WEE2: variants seen among roughly 807,000 people sequenced by gnomAD.
WEE2 encodes the protein wee1-like protein kinase 2.
WEE2 carries 50 observed loss-of-function variants against 60.1 expected under a neutral mutation model. The observed-to-expected ratio is 0.83, with a 90% CI of 0.66 to 1.05. The LOEUF (loss-of-function observed/expected upper bound fraction) is 1.05. WEE2 is among the 50% of genes least tolerant of loss of function. The pLI is 0.00. For synonymous variants in WEE2, 240 were observed against 241.0 expected (o/e 1.00, Z 0.04); for missense variants, 631 against 684.3 (o/e 0.92, Z 0.87).
At chr7:141,712,582 A>G (rs1476676697) in intron 1 of WEE2, among the ~76,000 whole-genome samples, 1 of 152,192 alleles carries the variant, frequency 6.6e-6, no homozygotes, top group Admixed American at 6.5e-5. Context: ...AGCAATAACG[A>G]CTATATTAAC....
chr7:141,723,164 A>G lies in WEE2; in HGVS notation c.911A>G (p.Asn304Ser). ...GGSLQAAISE[N>S]TKSGNHFEEP... The stretch of plus-strand genomic sequence containing the variant: ...AGTTTGCAAGCTGCTATATCTGAAA[A>G]CACTAAGTCTGGCAATCATTTTGAA... The change falls in exon 6 of 12, where the codon AAC (asparagine) becomes AGC (serine). Residue 304 changes from asparagine to serine, a missense_variant. Physicochemically the swap from Asn to Ser is conservative, Grantham distance 46. Transcript: ENST00000397541. 6.2e-7 allele frequency: 1 copy of G among 1,614,172 alleles called. No individual in the cohort carries two copies. The highest frequency in any genetic ancestry group is 2.2e-5 in the East Asian group (1 of 44,882).
chr7:141,717,787 A>G (rs1798832646), intron 3 of WEE2, among the ~76,000 whole-genome samples: 1 of 152,208 alleles, frequency 6.6e-6, no homozygotes, highest in Non-Finnish European at 1.5e-5. Context: ...CTATCAAGGC[A>G]GGAGAACAGA....
chr7:141,720,881 G>A (rs908149808), intron 4 of WEE2, 54 bp from the exon 5 acceptor site: 21 of 1,579,882 alleles, frequency 1.3e-5, no homozygotes, highest in Non-Finnish European at 1.8e-5. Flanking sequence ...AAACATTTTT[G>A]TGTGCATTAT....
chr7:141,727,333 A>C lies in WEE2; in HGVS notation c.1422A>C (p.Arg474Ser). The change falls in exon 10 of 12, where the codon AGA becomes AGC. Residue 474 changes from arginine to serine, a missense_variant. By Grantham distance (110) the Arg-to-Ser change is moderately radical (BLOSUM62 -1). Transcript: ENST00000397541. ...KNMIQPDAEQ[R>S]PSAAALARNT... ...TGATCCAACCTGATGCCGAACAGAG[A>C]CCTTCTGCAGCAGCTCTGGCCAGAA... is the stretch of plus-strand genomic sequence containing the variant. 1.9e-6 allele frequency: 3 copies of C among 1,614,102 alleles called. No homozygotes were observed. Among genetic ancestry groups the C allele is most frequent in the Non-Finnish European group, 2.5e-6 (3 of 1,179,988 alleles).
intron 2 of WEE2, among the ~76,000 whole-genome samples, chr7:141,714,731 G>A (rs1270859243): frequency 2.0e-5 from 3 of 152,338 alleles, no homozygotes; most frequent in East Asian, 1.9e-4. Context: ...ATATGAGGCT[G>A]GCAGTTGGGG....
At chr7:141,726,480 T>A (rs1205405938) in intron 9 of WEE2, among the ~76,000 whole-genome samples, 1 of 152,160 alleles carries the variant, frequency 6.6e-6, no homozygotes, top group Non-Finnish European at 1.5e-5. Context: ...TACAAATCTG[T>A]CCTTCTTCCT....
chr7:141,715,860 C>A (rs1450775307), intron 2 of WEE2, among the ~76,000 whole-genome samples: 1 of 152,162 alleles, frequency 6.6e-6, no homozygotes, highest in Non-Finnish European at 1.5e-5. Flanking sequence ...GATAAAGATA[C>A]CCATTTAACA....
At chr7:141,718,174 T>C (rs968375556) in intron 3 of WEE2, among the ~76,000 whole-genome samples, 3 of 152,040 alleles carry the variant, frequency 2.0e-5, no homozygotes, top group Non-Finnish European at 2.9e-5. Context: ...ACCCAAGATT[T>C]TTCAAACTCA....
At chr7:141,720,761 C>A in intron 4 of WEE2, 174 bp from the exon 5 acceptor site, 1 of 753,434 alleles carries the variant, frequency 1.3e-6, no homozygotes, top group Non-Finnish European at 2.1e-6. Flanking sequence ...TCATTGTTTC[C>A]ACTGTATATT....
intron 1 of WEE2, among the ~76,000 whole-genome samples, chr7:141,710,566 G>A (rs1200255970): frequency 1.3e-5 from 2 of 152,194 alleles, no homozygotes; most frequent in African/African-American, 4.8e-5. Context: ...TGTACTAGAG[G>A]AATGGTTGAG....
intron 3 of WEE2, among the ~76,000 whole-genome samples, chr7:141,717,534 A>G (rs992735994): frequency 6.6e-6 from 1 of 152,266 alleles, no homozygotes; most frequent in African/African-American, 2.4e-5. Context: ...AAGGAAAAAC[A>G]TCTGGCCAAA....
intron 10 of WEE2, among the ~76,000 whole-genome samples, chr7:141,728,397 T>C (rs58418192): frequency 0.016 from 2,410 of 152,340 alleles, 66 homozygotes; most frequent in African/African-American, 0.055. Flanking sequence ...TAATAACTTG[T>C]AGAGACTCTT....
At position 141,714,392 on chromosome 7, in the gene WEE2, A is replaced by G; in HGVS notation, c.526A>G (p.Ile176Val). ...LFLQSGGKRK[I>V]RGDLEEAGPE... ...TCTTCAATCTGGTGGCAAGAGGAAA[A>G]TAAGAGGAGATCTGTAAGTGCTCTA... Residue 176 changes from isoleucine to valine, a missense_variant, in exon 2 of 12, where the codon ATA becomes GTA. By Grantham distance (29) the Ile-to-Val change is conservative. Coordinates refer to ENST00000397541, the MANE Select transcript of WEE2 (RefSeq NM_001105558.1). 1.2e-6 allele frequency: 2 copies of G among 1,610,724 alleles called. No individual in the cohort carries two copies. Among genetic ancestry groups the G allele is most frequent in the Non-Finnish European group, 1.7e-6 (2 of 1,178,718 alleles).
Position 141,708,696 on chromosome 7 carries a change from T to A in WEE2, c.-63T>A. The A allele has an allele frequency of 1.1e-5, 15 of 1,408,906 alleles. No individual in the cohort carries two copies. The highest frequency in any genetic ancestry group is 1.5e-5 in the Non-Finnish European group (15 of 1,027,874). 87.3% of individuals were successfully genotyped at this position (1,408,906 alleles called of 1,614,324 possible). On this transcript the variant is annotated 5_prime_UTR_variant, in exon 1 of 12. Transcript: ENST00000397541. Reference sequence around the variant, plus strand: ...AGTTATTTTCTCCTCCCTGCTTCTGTAGGTTCACAGCGTTCCCTTCTGATA... The same window carrying A: ...AGTTATTTTCTCCTCCCTGCTTCTGAAGGTTCACAGCGTTCCCTTCTGATA...
In WEE2 at chr7:141,726,800, T is replaced by C. The variant is rs146060188; in HGVS notation, c.1393-504T>C. Among the ~76,000 whole-genome samples the C allele has an allele frequency of 9.9e-3, 1,510 of 152,294 alleles. 32 individuals are homozygous for C. The highest frequency in any genetic ancestry group is 0.034 in the African/African-American group (1,422 of 41,552). ...AGTGTTTTCTTCATTATATGACAGT[T>C]TCAGTTGCTGTATATAATTAGGTAT... On this transcript the variant is annotated intron_variant, in intron 9 of 11. Coordinates refer to ENST00000397541, the MANE Select transcript of WEE2 (RefSeq NM_001105558.1).
At chr7:141,710,985 G>A (rs887085921) in intron 1 of WEE2, among the ~76,000 whole-genome samples, 2 of 152,150 alleles carry the variant, frequency 1.3e-5, no homozygotes, top group African/African-American at 4.8e-5. Flanking sequence ...GAATAGCCCT[G>A]TTGAACAAAG....
chr7:141,724,319 C>A, intron 8 of WEE2, 44 bp downstream of exon 8: 2 of 1,521,548 alleles, frequency 1.3e-6, no homozygotes, highest in South Asian at 1.2e-5. Context: ...TCTGTTGAAC[C>A]TTTGACTCTC....
rs1328348887 is a variant in WEE2, at chr7:141,709,028, A to G, written c.270A>G (p.Lys90=). The G allele has an allele frequency of 2.5e-6, 4 of 1,614,152 alleles. No individual in the cohort carries two copies. Among genetic ancestry groups the G allele is most frequent in the Non-Finnish European group, 3.4e-6 (4 of 1,180,024 alleles). The stretch of plus-strand genomic sequence containing the variant: ...GGACTCCAGTGTCACACCCTCTCAA[A>G]TGTCCTGAGACACCAGCCCAACCAG... ...ILRTPVSHPL[K]CPETPAQPDS... Residue 90 remains lysine, a synonymous_variant, in exon 1 of 12, where the codon AAA becomes AAG. Coordinates refer to ENST00000397541, the MANE Select transcript of WEE2 (RefSeq NM_001105558.1).
chr7:141,714,129 A>T, intron 1 of WEE2, 80 bp from the exon 2 acceptor site: 1 of 1,248,900 alleles, frequency 8.0e-7, no homozygotes, highest in Non-Finnish European at 1.1e-6. Context: ...GCATTCTTAG[A>T]TTCAAATATT....
Sources: allele counts gnomAD v4.1 joint callset (sites outside exome capture counted in the v4.1 genomes callset), GRCh38; gene constraint gnomAD v4.1.1; transcripts MANE v1.5; gene names NCBI Gene and HGNC (gene_info 2026-07-23, HGNC 2026-07-21).